SLC7A14: variants seen among roughly 807,000 people sequenced by gnomAD.
The protein encoded by SLC7A14 is gamma-aminobutyric acid transporter SLC7A14.
Under a neutral mutation model 60.2 loss-of-function variants are expected in SLC7A14, and 37 were observed. That is an observed-to-expected ratio of 0.61 (90% CI 0.47 to 0.81). The LOEUF (loss-of-function observed/expected upper bound fraction) is 0.81, where lower values mean the gene tolerates loss of function less well. Among genes scored for constraint, SLC7A14 ranks in the 30% least tolerant of loss-of-function variants. The probability of loss-of-function intolerance (pLI) is 0.00; values close to 1 mark genes in which losing one functional copy is unlikely to be tolerated. For missense variants in SLC7A14, 886 were observed against 982.7 expected (o/e 0.90, Z 1.32); for synonymous variants, 399 against 395.8 (o/e 1.01, Z -0.10).
intron 1 of SLC7A14, among the ~76,000 whole-genome samples, chr3:170,542,118 A>G (rs897566790): frequency 6.6e-6 from 1 of 152,218 alleles, no homozygotes; most frequent in Non-Finnish European, 1.5e-5. Flanking sequence ...ACTTGGTTAC[A>G]GAATCAGCTT....
At chr3:170,469,586 G>C (rs1256468887) in intron 7 of SLC7A14, among the ~76,000 whole-genome samples, 1 of 152,164 alleles carries the variant, frequency 6.6e-6, no homozygotes, top group Non-Finnish European at 1.5e-5. Flanking sequence ...CAGTGTGCTG[G>C]TTCTTGGAGA....
intron 1 of SLC7A14, among the ~76,000 whole-genome samples, chr3:170,559,474 A>T (rs914283774): frequency 6.6e-6 from 1 of 152,204 alleles, no homozygotes; most frequent in Non-Finnish European, 1.5e-5. Flanking sequence ...TACTATTATA[A>T]TAGTTTTAAA....
In SLC7A14 at chr3:170,532,681, T is replaced by TG. The variant is rs1195880610; in HGVS notation, c.-152-5594_-152-5593insC. Among the ~76,000 whole-genome samples the TG allele has an allele frequency of 1.5e-4, 23 of 152,062 alleles. No individual in the cohort carries two copies. In the East Asian group the frequency reaches 4.4e-3, roughly 29 times the overall value. On this transcript the variant is annotated intron_variant, in intron 1 of 7. Transcript: ENST00000231706. The surrounding 1 kb of genome is among the most constrained non-coding windows in gnomAD (Gnocchi z 4.0). ...GGCCCCTGACCAGGTGTTTTTTTTTTTTTGTTGTTGTTGTTCCCTGCTACT... is the reference window on the plus strand; with the variant it reads ...GGCCCCTGACCAGGTGTTTTTTTTTTGTTTGTTGTTGTTGTTCCCTGCTACT...
At chr3:170,509,477 C>T (rs971219328) in intron 2 of SLC7A14, among the ~76,000 whole-genome samples, 2 of 152,120 alleles carry the variant, frequency 1.3e-5, no homozygotes, top group African/African-American at 2.4e-5. Flanking sequence ...AAGTCACCCC[C>T]CAAAACAGGT....
chr3:170,560,245 C>T (rs1714608814), intron 1 of SLC7A14, among the ~76,000 whole-genome samples: 1 of 152,194 alleles, frequency 6.6e-6, no homozygotes. Context: ...AGCTGTAAAT[C>T]TCCTTGATAC....
chr3:170,507,483 G>A (rs924783224), intron 2 of SLC7A14, among the ~76,000 whole-genome samples: 1 of 152,160 alleles, frequency 6.6e-6, no homozygotes, highest in East Asian at 1.9e-4. Flanking sequence ...CTGGGGGAGG[G>A]AGCCTTTTAA....
At chr3:170,556,899 C>G (rs1303510827) in intron 1 of SLC7A14, among the ~76,000 whole-genome samples, 3 of 152,146 alleles carry the variant, frequency 2.0e-5, no homozygotes, top group African/African-American at 7.2e-5. Flanking sequence ...TATGGCCTAC[C>G]AGGCTATCTC....
At chr3:170,491,729 C>T (rs78292702) in intron 4 of SLC7A14, among the ~76,000 whole-genome samples, 19 of 152,042 alleles carry the variant, frequency 1.2e-4, no homozygotes, top group East Asian at 9.7e-4. Flanking sequence ...TGGGAGGCAG[C>T]GAGGAAGAAA....
intron 1 of SLC7A14, among the ~76,000 whole-genome samples, chr3:170,546,085 G>A (rs77688654): frequency 0.037 from 5,703 of 152,270 alleles, 330 homozygotes; most frequent in African/African-American, 0.13. Flanking sequence ...ATCCTTTTTG[G>A]CATTAGAAGA....
At position 170,460,933 on chromosome 3, in the gene SLC7A14, A is replaced by C. The variant is rs1739587556; in HGVS notation, c.*6122T>G. ...TAAATTATTATTATTATTATTTTTG[A>C]GACGGAGTTTTGCTCTTATTGCCCA... On this transcript the variant is annotated 3_prime_UTR_variant, in exon 8 of 8. Transcript: ENST00000231706. The C allele has an allele frequency of 6.6e-6, 1 of 152,174 alleles. No individual in the cohort carries two copies. Among genetic ancestry groups the C allele is most frequent in the South Asian group, 2.1e-4 (1 of 4,828 alleles). 9.4% of individuals were successfully genotyped at this position (152,174 alleles called of 1,614,324 possible). A position where few individuals can be genotyped will look rare whatever the true frequency, so the allele number is the denominator to read the frequency against.
intron 1 of SLC7A14, among the ~76,000 whole-genome samples, chr3:170,533,650 A>AGTGTGTGTGTGTGTGTGT (rs55850380): frequency 1.9e-4 from 28 of 149,066 alleles, no homozygotes; most frequent in Middle Eastern, 6.8e-3. Context: ...CATCTGGCCC[A>AGTGTGTGTGTGTGTGTGT]GTGTGTGTGT....
chr3:170,532,861 T>C lies in SLC7A14; in HGVS notation c.-152-5773A>G, dbSNP rs948633343. Among the ~76,000 whole-genome samples, 1 of 152,200 alleles carries C rather than the reference T, an allele frequency of 6.6e-6. No homozygotes were observed. Among genetic ancestry groups the C allele is most frequent in the Non-Finnish European group, 1.5e-5 (1 of 68,026 alleles). On this transcript the variant is annotated intron_variant, in intron 1 of 7. Transcript: ENST00000231706. This position sits in a 1 kb window ranked among gnomAD's most constrained non-coding sequence, Gnocchi z 4.0. The stretch of plus-strand genomic sequence containing the variant: ...CTGGTACTTCCACTCCAAGGGATTC[T>C]TATTTACCTTTCTCAAACTTGTGGA...
At position 170,483,300 on chromosome 3, in the gene SLC7A14, A is replaced by G. The variant is rs769312081; in HGVS notation, c.1115+14T>C. ...TGGCAGAGCAGGATAAATTTCATGGAGCATAGCCCTTACCTGAAAAGGAGC... is the reference window on the plus strand; with the variant it reads ...TGGCAGAGCAGGATAAATTTCATGGGGCATAGCCCTTACCTGAAAAGGAGC... On this transcript the variant is annotated intron_variant, in intron 6 of 7. Coordinates refer to ENST00000231706, the MANE Select transcript of SLC7A14 (RefSeq NM_020949.3). The G allele has an allele frequency of 6.2e-7, 1 of 1,613,806 alleles. No homozygotes were observed. The highest frequency in any genetic ancestry group is 1.7e-5 in the Admixed American group (1 of 60,006).
At chr3:170,573,840 A>G (rs745911554) in intron 1 of SLC7A14, among the ~76,000 whole-genome samples, 2 of 152,160 alleles carry the variant, frequency 1.3e-5, no homozygotes, top group Non-Finnish European at 2.9e-5. Context: ...ATTAATCCTG[A>G]CACTGTGCCC....
intron 1 of SLC7A14, among the ~76,000 whole-genome samples, chr3:170,554,488 G>C (rs1204300190): frequency 6.6e-6 from 1 of 152,186 alleles, no homozygotes; most frequent in Admixed American, 6.5e-5. Flanking sequence ...CCTTTTCCCA[G>C]CTGGGTGGCT....
chr3:170,546,008 A>G (rs1240667276), intron 1 of SLC7A14, among the ~76,000 whole-genome samples: 1 of 152,264 alleles, frequency 6.6e-6, no homozygotes, highest in Non-Finnish European at 1.5e-5. Context: ...ACCACTGGAC[A>G]TGAACAAAGA....
At chr3:170,558,544 C>T (rs1041136824) in intron 1 of SLC7A14, among the ~76,000 whole-genome samples, 4 of 152,160 alleles carry the variant, frequency 2.6e-5, no homozygotes, top group African/African-American at 2.4e-5. Flanking sequence ...GTACAATTCT[C>T]AAGTTCACAA....
chr3:170,481,184 G>A lies in SLC7A14; in HGVS notation c.1116-18C>T. 4 of 1,605,610 alleles carry A rather than the reference G, an allele frequency of 2.5e-6. No individual in the cohort carries two copies. The highest frequency in any genetic ancestry group is 3.4e-6 in the Non-Finnish European group (4 of 1,176,186). On this transcript the variant is annotated intron_variant, in intron 6 of 7. Coordinates refer to ENST00000231706, the MANE Select transcript of SLC7A14 (RefSeq NM_020949.3). ...CCAGGAACCTGGAGGGGCCGGGCAAGCAGAGGGTTAATGGTGAGCTACAGT... is the reference window on the plus strand; with the variant it reads ...CCAGGAACCTGGAGGGGCCGGGCAAACAGAGGGTTAATGGTGAGCTACAGT...
chr3:170,465,302 C>A lies in SLC7A14; in HGVS notation c.*1753G>T, dbSNP rs553895043. ...TGTATGTTAAAACCCAGTGCATCAG[C>A]CTGGAGACTTGTCAAGTTTGTTGTT... On this transcript the variant is annotated 3_prime_UTR_variant, in exon 8 of 8. Transcript: ENST00000231706. 10 of 152,340 alleles carry A rather than the reference C, an allele frequency of 6.6e-5. No individual in the cohort carries two copies. The highest frequency in any genetic ancestry group is 2.4e-4 in the African/African-American group (10 of 41,580). The allele number at this position is 152,340 out of a possible 1,614,324, so 9.4% of individuals were successfully genotyped here.
Sources: allele counts gnomAD v4.1 joint callset (sites outside exome capture counted in the v4.1 genomes callset), GRCh38; gene constraint gnomAD v4.1.1; non-coding constraint Gnocchi (gnomAD v3.1); transcripts MANE v1.5; gene names NCBI Gene and HGNC (gene_info 2026-07-23, HGNC 2026-07-21).